Variants in SNCAIP observed in about 807,000 individuals in gnomAD.
SNCAIP encodes the protein synphilin-1.
SNCAIP carries 43 observed loss-of-function variants against 86.7 expected under a neutral mutation model. The observed-to-expected ratio is 0.50, with a 90% CI of 0.39 to 0.64. SNCAIP has a LOEUF of 0.64. SNCAIP is among the 30% of genes least tolerant of loss of function. The pLI is 0.00. For missense variants in SNCAIP, 981 were observed against 1,103.1 expected, an observed-to-expected ratio of 0.89 and a Z score of 1.57; for synonymous variants, 417 against 427.2, an observed-to-expected ratio of 0.98 and a Z score of 0.29.
At chr5:122,345,054 G>A (rs968543841) in intron 1 of SNCAIP, among the ~76,000 whole-genome samples, 5 of 152,160 alleles carry the variant, frequency 3.3e-5, no homozygotes, top group Admixed American at 6.6e-5. Context: ...AAGAACATGT[G>A]TCCCAACAAG....
chr5:122,450,960 G>A lies in SNCAIP; in HGVS notation c.2113G>A (p.Val705Ile). The A allele has an allele frequency of 6.2e-7, 1 of 1,614,160 alleles. No individual in the cohort carries two copies. The highest frequency in any genetic ancestry group is 8.5e-7 in the Non-Finnish European group (1 of 1,180,028). Residue 705 changes from valine (V) to isoleucine (I), a missense_variant, in exon 10 of 11, where the codon GTA becomes ATA. Coordinates refer to ENST00000261368, the MANE Select transcript of SNCAIP (RefSeq NM_005460.4). ...KADRPRPQPIVESVESMDSAE... is the reference protein window; with the variant it reads ...KADRPRPQPIIESVESMDSAE... ...TGACCGACCAAGGCCGCAGCCCATTGTAGAAAGCGTAGAGAGTATGGACAG... is the reference window on the plus strand; with the variant it reads ...TGACCGACCAAGGCCGCAGCCCATTATAGAAAGCGTAGAGAGTATGGACAG...
At chr5:122,409,291 AT>A (rs1773645227) in intron 3 of SNCAIP, among the ~76,000 whole-genome samples, 1 of 152,218 alleles carries the variant, frequency 6.6e-6, no homozygotes, top group Non-Finnish European at 1.5e-5. Flanking sequence ...AGTTTCATTG[AT>A]TTAGAGTTTT....
chr5:122,395,517 G>A (rs1409333320), intron 2 of SNCAIP, among the ~76,000 whole-genome samples: 1 of 152,068 alleles, frequency 6.6e-6, no homozygotes, highest in African/African-American at 2.4e-5. Context: ...TAGAGTAATG[G>A]CAAAAAATTA....
chr5:122,456,546 C>G (rs1366172124), intron 10 of SNCAIP, among the ~76,000 whole-genome samples: 2 of 152,164 alleles, frequency 1.3e-5, no homozygotes, highest in African/African-American at 4.8e-5. Flanking sequence ...AGGTGAGGCC[C>G]TGGCTGAAAC....
At chr5:122,316,789 T>G (rs1367577123) in intron 1 of SNCAIP, among the ~76,000 whole-genome samples, 10 of 152,226 alleles carry the variant, frequency 6.6e-5, no homozygotes, top group Non-Finnish European at 1.3e-4. Context: ...TTCTTCAGCC[T>G]CATTTTATGG....
intron 3 of SNCAIP, among the ~76,000 whole-genome samples, chr5:122,407,564 G>C (rs1169670243): frequency 6.6e-6 from 1 of 152,130 alleles, no homozygotes; most frequent in East Asian, 1.9e-4. Flanking sequence ...CTAAGAGAAA[G>C]GACTTTCAAA....
intron 1 of SNCAIP, among the ~76,000 whole-genome samples, chr5:122,353,182 A>G (rs532266470): frequency 9.9e-4 from 151 of 152,206 alleles, no homozygotes; most frequent in African/African-American, 3.4e-3. Context: ...TCTTCCAAAT[A>G]TTATGTTGAG....
chr5:122,407,906 T>A (rs1049234137), intron 3 of SNCAIP, among the ~76,000 whole-genome samples: 2 of 152,300 alleles, frequency 1.3e-5, no homozygotes, highest in Non-Finnish European at 2.9e-5. Context: ...AGGCAGCACA[T>A]CCATAAAGGT....
At chr5:122,388,259 A>C (rs1198522696) in intron 1 of SNCAIP, among the ~76,000 whole-genome samples, 1 of 152,122 alleles carries the variant, frequency 6.6e-6, no homozygotes, top group Non-Finnish European at 1.5e-5. Flanking sequence ...TTGGCAACTG[A>C]TTCAATTTTT....
chr5:122,334,219 G>A lies in SNCAIP; in HGVS notation c.-47+21935G>A, dbSNP rs577038195. Among the ~76,000 whole-genome samples the A allele has an allele frequency of 1.6e-4, 24 of 151,962 alleles. No homozygotes were observed. The South Asian group carries it at 4.2e-3, about 26-fold the overall frequency. On this transcript the variant is annotated intron_variant, in intron 1 of 10. Coordinates refer to ENST00000261368, the MANE Select transcript of SNCAIP (RefSeq NM_005460.4). ...AAATGCTTTATTTATGTTAATTAAT[G>A]TAAACAATGACCCTGTGAGGTCAGA...
rs538074652 is a variant in SNCAIP at position 122,438,394 on chromosome 5, A to G, written c.1297-2235A>G. On this transcript the variant is annotated intron_variant, in intron 6 of 10. Coordinates refer to ENST00000261368, the MANE Select transcript of SNCAIP (RefSeq NM_005460.4). ...GTGGGTGTGAGTGCACCCTGTGTTAAGGTGGTGTCCTGTCCAGGGATGGTT... is the reference window on the plus strand; with the variant it reads ...GTGGGTGTGAGTGCACCCTGTGTTAGGGTGGTGTCCTGTCCAGGGATGGTT... Among the ~76,000 whole-genome samples, 15 of 152,284 alleles carry G rather than the reference A, an allele frequency of 9.9e-5. 1 individual carries two copies. In the South Asian group the frequency reaches 3.1e-3, roughly 32 times the overall value.
intron 1 of SNCAIP, among the ~76,000 whole-genome samples, chr5:122,318,526 T>C (rs544342959): frequency 6.6e-6 from 1 of 152,180 alleles, no homozygotes; most frequent in Non-Finnish European, 1.5e-5. Flanking sequence ...TTTAAATAAA[T>C]GAGAGAAAAA....
At chr5:122,352,907 A>G (rs1445233168) in intron 1 of SNCAIP, among the ~76,000 whole-genome samples, 1 of 152,178 alleles carries the variant, frequency 6.6e-6, no homozygotes. Context: ...AACTTTACCT[A>G]GAACAGTCCT....
chr5:122,369,123 G>T (rs1371163070), intron 1 of SNCAIP, among the ~76,000 whole-genome samples: 1 of 152,130 alleles, frequency 6.6e-6, no homozygotes, highest in Non-Finnish European at 1.5e-5. Flanking sequence ...CCCTTGTATA[G>T]GTTCAGACTC....
At chr5:122,461,126 C>T (rs544025733) in intron 10 of SNCAIP, among the ~76,000 whole-genome samples, 293 of 152,234 alleles carry the variant, frequency 1.9e-3, no homozygotes, top group South Asian at 0.013. Context: ...GAGTGTTTGA[C>T]TCAGTATAGG....
At chr5:122,373,353 T>G (rs1764642384) in intron 1 of SNCAIP, among the ~76,000 whole-genome samples, 1 of 152,118 alleles carries the variant, frequency 6.6e-6, no homozygotes, top group South Asian at 2.1e-4. Context: ...TGTTACAGAC[T>G]TTGAACTGTT....
At chr5:122,436,891 A>G (rs1779606523) in intron 6 of SNCAIP, 1 of 152,194 alleles carries the variant, frequency 6.6e-6, no homozygotes, top group South Asian at 2.1e-4. Flanking sequence ...ACAGCAGAAA[A>G]TCCCCAGAAG....
At chr5:122,344,473 A>C (rs545615576) in intron 1 of SNCAIP, among the ~76,000 whole-genome samples, 1 of 152,256 alleles carries the variant, frequency 6.6e-6, no homozygotes, top group Non-Finnish European at 1.5e-5. Flanking sequence ...TTGCTGGTCT[A>C]TTTTTCATGT....
intron 2 of SNCAIP, 76 bp from the exon 3 acceptor site, chr5:122,403,717 G>T (rs1772340242): frequency 4.3e-6 from 5 of 1,165,998 alleles, no homozygotes; most frequent in Non-Finnish European, 6.5e-6. Flanking sequence ...ATTGTGTTTT[G>T]TTTTTCTGGC....
Sources: gnomAD v4.1 joint callset for allele counts (sites outside exome capture counted in the v4.1 genomes callset) on GRCh38, gnomAD v4.1.1 for gene constraint, MANE v1.5 for transcripts, NCBI Gene and HGNC (gene_info 2026-07-23, HGNC 2026-07-21) for gene names.